Variants in STK36 observed in about 807,000 individuals in gnomAD.
STK36 encodes the protein serine/threonine-protein kinase 36.
Under a neutral mutation model 142.2 loss-of-function variants are expected in STK36, and 116 were observed. The observed-to-expected ratio is 0.82, with a 90% CI of 0.70 to 0.95. The LOEUF (loss-of-function observed/expected upper bound fraction) is 0.95. Ranked by LOEUF, STK36 falls within the 40% of genes least tolerant of loss-of-function variation. STK36 has a pLI of 0.00. For missense variants in STK36, 1,422 were observed against 1,617.2 expected, an observed-to-expected ratio of 0.88 and a Z score of 2.07; for synonymous variants, 619 against 641.7, an observed-to-expected ratio of 0.96 and a Z score of 0.53.
intron 15 of STK36, 80 bp downstream of exon 15, chr2:218,692,373 T>C: frequency 5.1e-6 from 8 of 1,570,530 alleles, no homozygotes; most frequent in Non-Finnish European, 6.1e-6. Flanking sequence ...TGCCATCACC[T>C]AGATCGCACC....
In STK36 at chr2:218,702,130, A is replaced by G. The variant is rs115649748; in HGVS notation, c.*121A>G. On this transcript the variant is annotated 3_prime_UTR_variant, in exon 27 of 27. Coordinates refer to ENST00000295709, the MANE Select transcript of STK36 (RefSeq NM_015690.5). ...AGAAAAGAGATAAGCTGCCAACTCA[A>G]CTGAGAACAAGAAACTAGAAGAGAT... 2.1e-3 allele frequency: 2,641 copies of G among 1,236,748 alleles called. 52 individuals carry two copies. In the African/African-American group the frequency reaches 0.034, roughly 16 times the overall value. 76.6% of individuals were successfully genotyped at this position (1,236,748 alleles called of 1,614,324 possible).
In STK36 at chr2:218,694,143, A is replaced by G. The variant is rs1941126617; in HGVS notation, c.2337-121A>G. ...AAAGAACAGACCTAGACTCCCATCA[A>G]CTTTGTGCCTTGGAGGTAGACATGC... On this transcript the variant is annotated intron_variant, in intron 19 of 26. Transcript: ENST00000295709. This position sits in a 1 kb window ranked among gnomAD's most constrained non-coding sequence, Gnocchi z 4.4. The G allele has an allele frequency of 5.1e-6, 6 of 1,181,108 alleles. No homozygotes were observed. The highest frequency in any genetic ancestry group is 4.7e-5 in the East Asian group (2 of 42,748). 73.2% of individuals were successfully genotyped at this position (1,181,108 alleles called of 1,614,324 possible).
Position 218,697,216 on chromosome 2 carries a change from ATCTT to A in STK36, c.2761+7_2761+10del. 6.2e-7 allele frequency: 1 copy of A among 1,610,306 alleles called. No homozygotes were observed. The highest frequency in any genetic ancestry group is 1.1e-5 in the South Asian group (1 of 90,410). On this transcript the variant is annotated splice_donor_5th_base_variant and intron_variant, in intron 23 of 26. Coordinates refer to ENST00000295709, the MANE Select transcript of STK36 (RefSeq NM_015690.5). ...CTGGACACTGATTTCTCCCCAGGGT[ATCTT>A]TCTATCAGTATCCTTTTTGGGAGTG...
In STK36 at chr2:218,694,437, G is replaced by T; in HGVS notation, c.2401-88G>T. ...ATCTGTTTCTGGAGGCATTCTTTTG[G>T]ACCAGGACAGAGACATAAATCCTCT... On this transcript the variant is annotated intron_variant, in intron 20 of 26. Coordinates refer to ENST00000295709, the MANE Select transcript of STK36 (RefSeq NM_015690.5). The surrounding 1 kb of genome is among the most constrained non-coding windows in gnomAD (Gnocchi z 4.4). 1 of 1,523,734 alleles carries T rather than the reference G, an allele frequency of 6.6e-7. No individual in the cohort carries two copies. Among genetic ancestry groups the T allele is most frequent in the Non-Finnish European group, 9.1e-7 (1 of 1,098,552 alleles). The allele number at this position is 1,523,734 out of a possible 1,614,324, so 94.4% of individuals were successfully genotyped here. A position where few individuals can be genotyped will look rare whatever the true frequency, so the allele number is the denominator to read the frequency against.
intron 26 of STK36, among the ~76,000 whole-genome samples, chr2:218,701,533 A>G (rs1299327102): frequency 6.6e-6 from 1 of 152,158 alleles, no homozygotes; most frequent in African/African-American, 2.4e-5. Flanking sequence ...ACTGGTCTGC[A>G]TTGAAGGCTA....
intron 26 of STK36, among the ~76,000 whole-genome samples, chr2:218,700,760 C>T (rs1354598287): frequency 6.6e-6 from 1 of 151,566 alleles, no homozygotes; most frequent in East Asian, 2.0e-4. Flanking sequence ...GCCTGTAATC[C>T]CAGCACTTTG....
rs914147678 is a variant in STK36, at chr2:218,689,177, C to T, written c.1560+301C>T. Among the ~76,000 whole-genome samples the T allele has an allele frequency of 2.0e-5, 3 of 152,062 alleles. No individual in the cohort carries two copies. The South Asian group carries it at 6.2e-4, about 32-fold the overall frequency. ...TCCTCAGCCTCCAGCCCATTGTTGC[C>T]ACAGGGAAATATGGGCCTGAGAAAA... On this transcript the variant is annotated intron_variant, in intron 12 of 26. Coordinates refer to ENST00000295709, the MANE Select transcript of STK36 (RefSeq NM_015690.5).
chr2:218,695,773 A>G (rs556220729), intron 21 of STK36, among the ~76,000 whole-genome samples: 117 of 144,212 alleles, frequency 8.1e-4, no homozygotes, highest in South Asian at 1.8e-3. Flanking sequence ...CCTGACCTCA[A>G]GTGATCCATC....
chr2:218,696,401 A>G (rs1941234370), intron 21 of STK36, 126 bp from the exon 22 acceptor site: 1 of 784,830 alleles, frequency 1.3e-6, no homozygotes, highest in Admixed American at 2.0e-5. Flanking sequence ...CCCAGGCCCC[A>G]TATATTCTAC....
At chr2:218,696,457 G>A (rs1941236310) in intron 21 of STK36, 70 bp from the exon 22 acceptor site, 1 of 1,360,258 alleles carries the variant, frequency 7.4e-7, no homozygotes, top group Admixed American at 1.7e-5. Flanking sequence ...CACCATCACT[G>A]ACCTGCCTTG....
rs757713659 is a variant in STK36 at position 218,694,656 on chromosome 2, C to T, written c.2511+21C>T. The T allele has an allele frequency of 6.2e-7, 1 of 1,601,394 alleles. No homozygotes were observed. The highest frequency in any genetic ancestry group is 2.2e-5 in the East Asian group (1 of 44,814). On this transcript the variant is annotated intron_variant, in intron 21 of 26. Transcript: ENST00000295709. The surrounding 1 kb of genome is among the most constrained non-coding windows in gnomAD (Gnocchi z 4.4). Reference sequence around the variant, plus strand: ...CAGAGGTGAGGCCCCCCAGGGAGGGCACAGACATGTTTTCTCTGAGTCAGA... The same window carrying T: ...CAGAGGTGAGGCCCCCCAGGGAGGGTACAGACATGTTTTCTCTGAGTCAGA...
intron 12 of STK36, among the ~76,000 whole-genome samples, chr2:218,689,591 A>G (rs1940914244): frequency 6.6e-6 from 1 of 152,196 alleles, no homozygotes; most frequent in African/African-American, 2.4e-5. Context: ...ATTTTAAGGA[A>G]TTTAGAGAAA....
rs1255534319 is a variant in STK36 at position 218,688,820 on chromosome 2, C to G, written c.1504C>G (p.Pro502Ala). 1 of 1,613,610 alleles carries G rather than the reference C, an allele frequency of 6.2e-7. No homozygotes were observed. ...TTCCTTCTGCCGGGAGGCAGGGCTT[C>G]CTGGGCTGCTGCTGAGTCTACTCAG... ...LYSFCREAGL[P>A]GLLLSLLRHS... is the part of the protein sequence containing the mutation. Residue 502 changes from proline to alanine, a missense_variant, in exon 12 of 27, where the codon CCT becomes GCT. Coordinates refer to ENST00000295709, the MANE Select transcript of STK36 (RefSeq NM_015690.5).
chr2:218,673,836 G>A (rs1037891743), intron 3 of STK36, 43 bp from the exon 4 acceptor site: 2 of 1,613,984 alleles, frequency 1.2e-6, no homozygotes, highest in Admixed American at 3.3e-5. Flanking sequence ...ACCTCAGAAT[G>A]CATGAATCTG....
chr2:218,699,514 C>T (rs1559347240), intron 26 of STK36, among the ~76,000 whole-genome samples, 166 bp downstream of exon 26: 1 of 152,086 alleles, frequency 6.6e-6, no homozygotes, highest in East Asian at 1.9e-4. Flanking sequence ...CATCTCCTGC[C>T]TTGGAGGAGG....
Position 218,701,984 on chromosome 2 carries a change from T to G in STK36, c.3923T>G (p.Leu1308Arg). The change falls in exon 27 of 27, where the codon CTC (leucine) becomes CGC (arginine). Residue 1308 changes from leucine to arginine, a missense_variant. This residue lies in a region of STK36 where 962 missense variants were observed against 1,167.5 expected (regional missense o/e 0.82). Transcript: ENST00000295709. Reference sequence around the variant, plus strand: ...AAACACTGCAGGAAACTCATTCACCTCCTGAGGCCAGCCCATAGCATGTGA... The same window carrying G: ...AAACACTGCAGGAAACTCATTCACCGCCTGAGGCCAGCCCATAGCATGTGA... ...SAKHCRKLIH[L>R]LRPAHSM is the part of the protein sequence containing the mutation. 6.2e-7 allele frequency: 1 copy of G among 1,614,092 alleles called. No homozygotes were observed. Among genetic ancestry groups the G allele is most frequent in the South Asian group, 1.1e-5 (1 of 91,076 alleles).
chr2:218,690,573 C>A lies in STK36; in HGVS notation c.1764+18C>A, dbSNP rs537014798. The A allele has an allele frequency of 2.5e-6, 4 of 1,588,534 alleles. No homozygotes were observed. In the South Asian group the frequency reaches 4.4e-5, roughly 18 times the overall value. On this transcript the variant is annotated intron_variant, in intron 14 of 26. Transcript: ENST00000295709. Reference sequence around the variant, plus strand: ...GCCTTATGGTAATCTGCTCCCACTTCCAGATTTCTGTGTCTCCTATCATTC... The same window carrying A: ...GCCTTATGGTAATCTGCTCCCACTTACAGATTTCTGTGTCTCCTATCATTC...
At chr2:218,684,013 G>A in intron 10 of STK36, among the ~76,000 whole-genome samples, 1 of 146,390 alleles carries the variant, frequency 6.8e-6, no homozygotes, top group Non-Finnish European at 1.5e-5. Context: ...TGCCCAGGCT[G>A]GTCTTGAGCT....
Position 218,698,992 on chromosome 2 carries a change from C to T in STK36, c.3448C>T (p.Gln1150Ter), listed in dbSNP as rs1203723534. Residue 1150 changes from glutamine (Q) to a stop codon, truncating the protein, a stop_gained, in exon 26 of 27, where the codon CAG (glutamine) becomes TAG (stop). Transcript: ENST00000295709. LOFTEE classifies it high-confidence loss of function. ...SMALRGALQS[Q>*]SGLLSLLLLG... ...GGCCCTGCGTGGGGCACTGCAGAGC[C>T]AGTCTGGACTGCTCAGCCTTCTGCT... is the stretch of plus-strand genomic sequence containing the variant. 1.2e-6 allele frequency: 2 copies of T among 1,614,166 alleles called. No homozygotes were observed. Among genetic ancestry groups the T allele is most frequent in the South Asian group, 2.2e-5 (2 of 91,084 alleles).
Sources: allele counts gnomAD v4.1 joint callset (sites outside exome capture counted in the v4.1 genomes callset), GRCh38; gene constraint gnomAD v4.1.1; regional missense constraint gnomAD v4.1.1; non-coding constraint Gnocchi (gnomAD v3.1); transcripts MANE v1.5; gene names NCBI Gene and HGNC (gene_info 2026-07-23, HGNC 2026-07-21).